The following SPRED2 variants were observed in gnomAD, a reference collection of about 807,000 sequenced individuals.
SPRED2 encodes sprouty-related, EVH1 domain-containing protein 2.
SPRED2 carries 47 observed loss-of-function variants against 43.0 expected under a neutral mutation model. The observed-to-expected ratio is 1.09, with a 90% CI of 0.87 to 1.40. The LOEUF is 1.40. Ranked by LOEUF, SPRED2 falls within the 40% of genes most tolerant of loss-of-function variation. The pLI is 0.00. For synonymous variants in SPRED2, 225 were observed against 225.7 expected, an observed-to-expected ratio of 1.00 and a Z score of 0.03; for missense variants, 561 against 586.4, an observed-to-expected ratio of 0.96 and a Z score of 0.45.
chr2:65,400,277 G>T (rs1675854044), intron 1 of SPRED2, among the ~76,000 whole-genome samples: 1 of 152,070 alleles, frequency 6.6e-6, no homozygotes. Flanking sequence ...AATAGTCCAT[G>T]GTTATATTTT....
At chr2:65,346,396 C>T (rs1674352578) in intron 1 of SPRED2, among the ~76,000 whole-genome samples, 1 of 151,908 alleles carries the variant, frequency 6.6e-6, no homozygotes, top group Admixed American at 6.6e-5. Context: ...TTTAAGTATA[C>T]AAGTTCAGTG....
At chr2:65,331,848 T>A in intron 4 of SPRED2, 139 bp downstream of exon 4, 2 of 611,502 alleles carry the variant, frequency 3.3e-6, no homozygotes, top group South Asian at 4.5e-5. Flanking sequence ...AAAATTGTAG[T>A]AAGACAGAGA....
At chr2:65,431,833 C>G (rs1383468801) in intron 1 of SPRED2, 129 bp downstream of exon 1, 2 of 1,156,098 alleles carry the variant, frequency 1.7e-6, no homozygotes, top group East Asian at 2.4e-5. Context: ...CGTCCCAACG[C>G]CGAAAGGTCA....
chr2:65,429,185 G>C (rs980318107), intron 1 of SPRED2, among the ~76,000 whole-genome samples: 1 of 152,174 alleles, frequency 6.6e-6, no homozygotes, highest in Non-Finnish European at 1.5e-5. Context: ...CCATTTGCAA[G>C]ATTCTGATTT....
At chr2:65,377,669 A>G (rs1403421926) in intron 1 of SPRED2, 2 of 471,234 alleles carry the variant, frequency 4.2e-6, no homozygotes, top group Non-Finnish European at 8.8e-6. Flanking sequence ...TGGAGATAAG[A>G]CTGCATAGAG....
Position 65,310,912 on chromosome 2 carries a change from C to G in SPRED2, c.*2589G>C. On this transcript the variant is annotated 3_prime_UTR_variant, in exon 6 of 6. Coordinates refer to ENST00000356388, the MANE Select transcript of SPRED2 (RefSeq NM_181784.3). ...TAAAGCAATGGCTACATTGGTCATA[C>G]ATATTAGAAACCATAAAAAAAAGTT... is the stretch of plus-strand genomic sequence containing the variant. 1.0e-6 allele frequency: 1 copy of G among 985,082 alleles called. No individual in the cohort carries two copies. The highest frequency in any genetic ancestry group is 1.2e-6 in the Non-Finnish European group (1 of 829,388). The allele number at this position is 985,082 out of a possible 1,614,324, so 61.0% of individuals were successfully genotyped here.
intron 4 of SPRED2, among the ~76,000 whole-genome samples, chr2:65,327,862 T>C (rs1015428727): frequency 3.3e-5 from 5 of 151,740 alleles, no homozygotes; most frequent in African/African-American, 1.2e-4. Flanking sequence ...TAGCTGGGAT[T>C]ACAGGGGCCC....
chr2:65,361,068 A>G (rs955761895), intron 1 of SPRED2, among the ~76,000 whole-genome samples: 1 of 152,234 alleles, frequency 6.6e-6, no homozygotes, highest in Non-Finnish European at 1.5e-5. Context: ...TTTTAAAAGA[A>G]AAAAGGAGTA....
chr2:65,370,820 C>T (rs1345287060), intron 1 of SPRED2, among the ~76,000 whole-genome samples: 1 of 152,122 alleles, frequency 6.6e-6, no homozygotes, highest in East Asian at 1.9e-4. Flanking sequence ...AAGGACCTCC[C>T]CTATTTCAGA....
intron 3 of SPRED2, 143 bp from the exon 4 acceptor site, chr2:65,332,194 A>G: frequency 5.7e-6 from 3 of 521,968 alleles, no homozygotes; most frequent in Non-Finnish European, 1.0e-5. Flanking sequence ...CTGGGAATTG[A>G]GTGCTTTTAA....
intron 1 of SPRED2, among the ~76,000 whole-genome samples, chr2:65,428,181 T>A (rs1276289525): frequency 6.6e-6 from 1 of 152,208 alleles, no homozygotes; most frequent in African/African-American, 2.4e-5. Context: ...GGGCACCTGT[T>A]TTATGCCTAG....
At chr2:65,315,146 G>C (rs1468433605) in intron 5 of SPRED2, among the ~76,000 whole-genome samples, 1 of 151,920 alleles carries the variant, frequency 6.6e-6, no homozygotes, top group Non-Finnish European at 1.5e-5. Context: ...CTCAGTGGAG[G>C]CAGAGAACTG....
rs1673098862 is a variant in SPRED2 at position 65,312,540 on chromosome 2, T to C, written c.*961A>G. On this transcript the variant is annotated 3_prime_UTR_variant, in exon 6 of 6. Coordinates refer to ENST00000356388, the MANE Select transcript of SPRED2 (RefSeq NM_181784.3). ...TGTTCGTGGGAACACTGATTTGTGTTTGAGGAAACTATTTGGTTTGCAAAA... is the reference window on the plus strand; with the variant it reads ...TGTTCGTGGGAACACTGATTTGTGTCTGAGGAAACTATTTGGTTTGCAAAA... The C allele has an allele frequency of 2.0e-6, 2 of 985,386 alleles. No homozygotes were observed. Among genetic ancestry groups the C allele is most frequent in the Admixed American group, 6.1e-5 (1 of 16,266 alleles). 61.0% of individuals were successfully genotyped at this position (985,386 alleles called of 1,614,324 possible). A position where few individuals can be genotyped will look rare whatever the true frequency, so the allele number is the denominator to read the frequency against.
At chr2:65,314,380 A>G (rs565681385) in intron 5 of SPRED2, among the ~76,000 whole-genome samples, 1 of 152,310 alleles carries the variant, frequency 6.6e-6, no homozygotes, top group South Asian at 2.1e-4. Context: ...GTCTCAATCC[A>G]TTAATGGGCC....
At chr2:65,366,800 G>C in intron 1 of SPRED2, 4 of 1,302,148 alleles carry the variant, frequency 3.1e-6, no homozygotes, top group Non-Finnish European at 2.0e-6. Context: ...GGGTTAGTCC[G>C]CATTTTATAG....
Position 65,311,792 on chromosome 2 carries a change from AT to A in SPRED2, c.*1708del. 1 of 985,476 alleles carries A rather than the reference AT, an allele frequency of 1.0e-6. No individual in the cohort carries two copies. The highest frequency in any genetic ancestry group is 1.2e-6 in the Non-Finnish European group (1 of 829,948). 61.0% of individuals were successfully genotyped at this position (985,476 alleles called of 1,614,324 possible). On this transcript the variant is annotated 3_prime_UTR_variant, in exon 6 of 6. Transcript: ENST00000356388. ...TTACACCGGTAATCTACTAAAGAAA[AT>A]CGATGAGCTTGTGGACGAGCTGGAA...
intron 1 of SPRED2, among the ~76,000 whole-genome samples, chr2:65,430,137 T>C (rs572082979): frequency 2.6e-5 from 4 of 152,338 alleles, no homozygotes; most frequent in South Asian, 2.1e-4. Context: ...CATAAAAATA[T>C]TGATTTATTG....
chr2:65,342,328 G>T (rs986987201), intron 2 of SPRED2, among the ~76,000 whole-genome samples: 25 of 137,890 alleles, frequency 1.8e-4, no homozygotes, highest in Non-Finnish European at 6.1e-5. Context: ...TGTATATTTT[G>T]TATACGTATA....
intron 1 of SPRED2, among the ~76,000 whole-genome samples, chr2:65,406,709 G>A (rs1359008924): frequency 6.6e-6 from 1 of 152,182 alleles, no homozygotes; most frequent in Non-Finnish European, 1.5e-5. Flanking sequence ...CAAGAGGCAG[G>A]CTAAAAATAG....
Sources: gnomAD v4.1 joint callset for allele counts (sites outside exome capture counted in the v4.1 genomes callset) on GRCh38, gnomAD v4.1.1 for gene constraint, MANE v1.5 for transcripts, NCBI Gene and HGNC (gene_info 2026-07-23, HGNC 2026-07-21) for gene names.